ULK1: variants seen among roughly 807,000 people sequenced by gnomAD.
ULK1 encodes the protein unc-51 like autophagy activating kinase 1.
In ULK1, 48 loss-of-function variants were observed where a neutral mutation model predicts 117.5. The ratio of observed to expected loss-of-function variants is 0.41; its 90% CI spans 0.32 to 0.52. The LOEUF is 0.52. ULK1 is among the 20% of genes least tolerant of loss of function. The pLI is 0.29. For synonymous variants in ULK1, 790 were observed against 637.8 expected (o/e 1.24, Z -3.60); for missense variants, 1,387 against 1,473.4 (o/e 0.94, Z 0.96).
intron 8 of ULK1, among the ~76,000 whole-genome samples, 193 bp downstream of exon 8, chr12:131,909,430 G>A (rs570455260): frequency 1.3e-5 from 2 of 152,286 alleles, no homozygotes; most frequent in South Asian, 2.1e-4. Flanking sequence ...GCCGCCGGCG[G>A]TGACTGGGAG....
chr12:131,900,653 C>T (rs1017534874), intron 3 of ULK1, among the ~76,000 whole-genome samples: 20 of 152,248 alleles, frequency 1.3e-4, no homozygotes, highest in Non-Finnish European at 2.2e-4. Flanking sequence ...CTGGCCAGCA[C>T]GCCATCTGAC....
rs554434723 is a variant in ULK1, at chr12:131,901,529, GC to G, written c.247-5357del. 2.0e-5 allele frequency among the ~76,000 whole-genome samples: 3 copies of G among 152,260 alleles called. No individual in the cohort carries two copies. In the East Asian group the frequency reaches 5.8e-4, roughly 29 times the overall value. Reference sequence around the variant, plus strand: ...CGAGGGCACGTCCGTCCTCCTGTGTGCCCCCCTCCCCCTCTGCTTTCTCATT... The same window carrying G: ...CGAGGGCACGTCCGTCCTCCTGTGTGCCCCCTCCCCCTCTGCTTTCTCATT... On this transcript the variant is annotated intron_variant, in intron 3 of 27. Transcript: ENST00000321867.
At chr12:131,914,719 AACAG>A (rs1176608778) in intron 16 of ULK1, among the ~76,000 whole-genome samples, 2 of 152,244 alleles carry the variant, frequency 1.3e-5, no homozygotes, top group African/African-American at 2.4e-5. Flanking sequence ...GGCCAGTTTT[AACAG>A]ACAGAAGTAA....
intron 10 of ULK1, 66 bp from the exon 11 acceptor site, chr12:131,910,188 G>T: frequency 6.2e-7 from 1 of 1,603,068 alleles, no homozygotes; most frequent in East Asian, 2.2e-5. Context: ...TCAGGCCGTG[G>T]GGAGGCAGGG....
rs958425052 is a variant in ULK1, at chr12:131,910,359, C to T, written c.859+55C>T. ...ATGGGCCCTGCATGCACCCCTTCCTCCCCGGGTTTGGTTAGGGCACTGAGT... is the reference window on the plus strand; with the variant it reads ...ATGGGCCCTGCATGCACCCCTTCCTTCCCGGGTTTGGTTAGGGCACTGAGT... On this transcript the variant is annotated intron_variant, in intron 11 of 27. Coordinates refer to ENST00000321867, the MANE Select transcript of ULK1 (RefSeq NM_003565.4). The T allele has an allele frequency of 1.7e-5, 27 of 1,609,216 alleles. No homozygotes were observed. The East Asian group carries it at 6.0e-4, about 36-fold the overall frequency.
Position 131,922,425 on chromosome 12 carries a change from T to C in ULK1, c.*1064T>C, listed in dbSNP as rs1368420338. The C allele has an allele frequency of 1.0e-5, 2 of 198,880 alleles. No homozygotes were observed. The highest frequency in any genetic ancestry group is 5.6e-5 in the Admixed American group (1 of 18,000). The allele number at this position is 198,880 out of a possible 1,614,324, so 12.3% of individuals were successfully genotyped here. On this transcript the variant is annotated 3_prime_UTR_variant, in exon 28 of 28. Coordinates refer to ENST00000321867, the MANE Select transcript of ULK1 (RefSeq NM_003565.4). ...ACTTCATGCAAAGAAAAAAGTAACA[T>C]GTGCAAAAGCTCCCCGTCCAGCTTT...
Position 131,907,002 on chromosome 12 carries a change from G to T in ULK1, c.279+78G>T, listed in dbSNP as rs1055001086. 10 of 1,588,790 alleles carry T rather than the reference G, an allele frequency of 6.3e-6. No individual in the cohort carries two copies. The East Asian group carries it at 1.1e-4, about 18-fold the overall frequency. On this transcript the variant is annotated intron_variant, in intron 4 of 27. Coordinates refer to ENST00000321867, the MANE Select transcript of ULK1 (RefSeq NM_003565.4). Reference sequence around the variant, plus strand: ...GAGCCCCACAGGGAGGGACATGGCTGGGGGGAGGGTGATGAGCACCTTTTC... The same window carrying T: ...GAGCCCCACAGGGAGGGACATGGCTTGGGGGAGGGTGATGAGCACCTTTTC...
chr12:131,907,623 C>T (rs1889328870), intron 5 of ULK1, 92 bp downstream of exon 5: 3 of 1,468,568 alleles, frequency 2.0e-6, no homozygotes, highest in Admixed American at 2.0e-5. Flanking sequence ...GGCAGCCTGG[C>T]TCGAGTGGGT....
Position 131,915,208 on chromosome 12 carries a change from G to A in ULK1, c.1499G>A (p.Arg500Gln), listed in dbSNP as rs748026203. Residue 500 changes from arginine to glutamine, a missense_variant, in exon 17 of 28, where the codon CGG becomes CAG. Arg to Gln is a conservative substitution (Grantham distance 43). This residue lies in a region of ULK1 where 900 missense variants were observed against 858.9 expected (regional missense o/e 1.05). Transcript: ENST00000321867. ...AGGAAGATGTCTCTGGGTGGAGGCC[G>A]GCCCTACACGCCATCTCCTCAAGGT... is the stretch of plus-strand genomic sequence containing the variant. ...LARKMSLGGGRPYTPSPQVGT... is the reference protein window; with the variant it reads ...LARKMSLGGGQPYTPSPQVGT... The A allele has an allele frequency of 1.4e-5, 23 of 1,599,446 alleles. No homozygotes were observed. The highest frequency in any genetic ancestry group is 6.7e-5 in the African/African-American group (5 of 74,762).
In ULK1 at chr12:131,921,949, C is replaced by T. The variant is rs997718829; in HGVS notation, c.*588C>T. ...ACATATGCAGACACATGCCAGGGCC[C>T]CCCAAGCCCGAGCACCGGACCACGT... On this transcript the variant is annotated 3_prime_UTR_variant, in exon 28 of 28. Transcript: ENST00000321867. The T allele has an allele frequency of 6.6e-6, 3 of 456,234 alleles. No homozygotes were observed. Among genetic ancestry groups the T allele is most frequent in the Non-Finnish European group, 1.3e-5 (3 of 226,850 alleles). The allele number at this position is 456,234 out of a possible 1,614,324, so 28.3% of individuals were successfully genotyped here.
chr12:131,903,940 G>A lies in ULK1; in HGVS notation c.247-2952G>A, dbSNP rs112886190. Among the ~76,000 whole-genome samples, 319 of 152,236 alleles carry A rather than the reference G, an allele frequency of 2.1e-3. No individual in the cohort carries two copies. Among genetic ancestry groups the A allele is most frequent in the African/African-American group, 7.4e-3 (307 of 41,556 alleles). On this transcript the variant is annotated intron_variant, in intron 3 of 27. Coordinates refer to ENST00000321867, the MANE Select transcript of ULK1 (RefSeq NM_003565.4). This position sits in a 1 kb window ranked among gnomAD's most constrained non-coding sequence, Gnocchi z 6.0. Reference sequence around the variant, plus strand: ...GGTGACATCTGTGACTCTGGGGCAAGGCCAGGGGTCTAGACGTGTCAGTAG... The same window carrying A: ...GGTGACATCTGTGACTCTGGGGCAAAGCCAGGGGTCTAGACGTGTCAGTAG...
At chr12:131,910,428 G>A in intron 11 of ULK1, 124 bp downstream of exon 11, 1 of 1,450,838 alleles carries the variant, frequency 6.9e-7, no homozygotes, top group East Asian at 2.3e-5. Flanking sequence ...CAGCTCCCAG[G>A]GAGGGCAGGA....
chr12:131,896,863 G>A (rs1418789752), intron 3 of ULK1: 1 of 152,424 alleles, frequency 6.6e-6, no homozygotes, highest in Non-Finnish European at 1.5e-5. Flanking sequence ...AGCAAGGAGT[G>A]GACAGCTGTC....
At chr12:131,918,851 T>TA in intron 23 of ULK1, among the ~76,000 whole-genome samples, 170 bp downstream of exon 23, 1 of 109,184 alleles carries the variant, frequency 9.2e-6, no homozygotes, top group Admixed American at 1.0e-4. Context: ...GTGTCGGGTG[T>TA]GTGGGGTGTC....
intron 8 of ULK1, 136 bp from the exon 9 acceptor site, chr12:131,909,638 GC>G: frequency 1.1e-6 from 1 of 909,596 alleles, no homozygotes; most frequent in Non-Finnish European, 1.6e-6. Context: ...GCAGCAAACA[GC>G]CGCGCTAGCA....
Position 131,922,788 on chromosome 12 carries a change from G to A in ULK1, c.*1427G>A, listed in dbSNP as rs1002049269. On this transcript the variant is annotated 3_prime_UTR_variant, in exon 28 of 28. Transcript: ENST00000321867. ...TTTTCTTTGCAATACTTGAAATATTGCCACTGTGCTTGGACTTAGAAGAAG... is the reference window on the plus strand; with the variant it reads ...TTTTCTTTGCAATACTTGAAATATTACCACTGTGCTTGGACTTAGAAGAAG... 6.6e-6 allele frequency: 1 copy of A among 152,510 alleles called. No homozygotes were observed. Among genetic ancestry groups the A allele is most frequent in the African/African-American group, 2.4e-5 (1 of 41,454 alleles). The allele number at this position is 152,510 out of a possible 1,614,324, so 9.4% of individuals were successfully genotyped here. A position where few individuals can be genotyped will look rare whatever the true frequency, so the allele number is the denominator to read the frequency against.
At chr12:131,910,825 G>C (rs1285655015) in intron 12 of ULK1, 25 bp downstream of exon 12, 6 of 1,611,358 alleles carry the variant, frequency 3.7e-6, no homozygotes, top group Non-Finnish European at 4.2e-6. Context: ...CAGGGGCTTG[G>C]CAGCTTCTCC....
chr12:131,915,474 C>T (rs753410255), intron 18 of ULK1, 53 bp downstream of exon 18: 19 of 1,582,962 alleles, frequency 1.2e-5, no homozygotes, highest in African/African-American at 4.0e-5. Flanking sequence ...CCCTCGCTCA[C>T]GTTGTCATCC....
chr12:131,916,530 C>A lies in ULK1; in HGVS notation c.2011C>A (p.His671Asn). The change falls in exon 20 of 28, where the codon CAT becomes AAT. Residue 671 changes from histidine (H) to asparagine (N), a missense_variant. Physicochemically the swap from His to Asn is moderately conservative, Grantham distance 68 (BLOSUM62 1). Coordinates refer to ENST00000321867, the MANE Select transcript of ULK1 (RefSeq NM_003565.4). ...CGACCTCTCGGAGGTGGGACCCTTC[C>A]ATGGTCAGCCGTTGGGCCCTGGCCT... ...LPDLSEVGPF[H>N]GQPLGPGLRP... The A allele has an allele frequency of 1.9e-6, 3 of 1,610,780 alleles. No individual in the cohort carries two copies. The highest frequency in any genetic ancestry group is 1.7e-5 in the Admixed American group (1 of 59,922).
Sources: gnomAD v4.1 joint callset for allele counts (sites outside exome capture counted in the v4.1 genomes callset) on GRCh38, gnomAD v4.1.1 for gene constraint, gnomAD v4.1.1 regional missense constraint, Gnocchi (gnomAD v3.1) non-coding constraint, MANE v1.5 for transcripts, NCBI Gene and HGNC (gene_info 2026-07-23, HGNC 2026-07-21) for gene names.